The following EZH2 variants were observed in gnomAD, a reference collection of about 807,000 sequenced individuals.
EZH2 encodes enhancer of zeste 2 polycomb repressive complex 2 subunit.
Under a neutral mutation model 98.4 loss-of-function variants are expected in EZH2, and 18 were observed. That is an observed-to-expected ratio of 0.18 (90% confidence interval 0.13 to 0.27). The LOEUF (loss-of-function observed/expected upper bound fraction) is 0.27. Ranked by LOEUF, EZH2 falls within the 10% of genes least tolerant of loss-of-function variation. The pLI, the probability that EZH2 is intolerant of heterozygous loss-of-function variation, is 1.00. For synonymous variants in EZH2, 338 were observed against 312.3 expected (o/e 1.08, Z -0.87); for missense variants, 470 against 935.1 (o/e 0.50, Z 6.49).
rs1177519126 is a variant in EZH2, at chr7:148,827,148, A to C, written c.728+16T>G. On this transcript the variant is annotated intron_variant, in intron 7 of 19. Coordinates refer to ENST00000320356, the MANE Select transcript of EZH2 (RefSeq NM_004456.5). ...ACCATACAGGGCAAGATTGCCTCAA[A>C]GGAACAAATTCTTACTTTTCCTTTA... 2 of 1,601,560 alleles carry C rather than the reference A, an allele frequency of 1.2e-6. No individual in the cohort carries two copies. Among genetic ancestry groups the C allele is most frequent in the Non-Finnish European group, 1.7e-6 (2 of 1,172,532 alleles).
intron 3 of EZH2, among the ~76,000 whole-genome samples, chr7:148,835,985 C>T (rs1031336054): frequency 3.3e-5 from 5 of 152,196 alleles, no homozygotes; most frequent in African/African-American, 1.2e-4. Context: ...TGCAGCACTA[C>T]GTACTACTTC....
At chr7:148,828,261 C>G (rs1486364949) in intron 6 of EZH2, among the ~76,000 whole-genome samples, 3 of 152,064 alleles carry the variant, frequency 2.0e-5, no homozygotes, top group African/African-American at 7.2e-5. Context: ...CCCAGTGAAG[C>G]ACACAAAAAA....
intron 3 of EZH2, among the ~76,000 whole-genome samples, chr7:148,833,633 AT>A (rs1360660276): frequency 2.6e-5 from 4 of 152,186 alleles, no homozygotes; most frequent in African/African-American, 4.8e-5. Flanking sequence ...ATTTAAGTCT[AT>A]TCTGCAAAAC....
intron 1 of EZH2, among the ~76,000 whole-genome samples, chr7:148,852,054 C>T (rs75783776): frequency 0.013 from 1,948 of 152,252 alleles, 41 homozygotes; most frequent in African/African-American, 0.046. Flanking sequence ...ACAAAAGCAG[C>T]TTTTCCTGTT....
intron 1 of EZH2, among the ~76,000 whole-genome samples, chr7:148,863,931 A>G (rs1156758374): frequency 6.6e-6 from 1 of 152,246 alleles, no homozygotes; most frequent in Non-Finnish European, 1.5e-5. Flanking sequence ...TTACATGTAC[A>G]TGAAAGTACA....
intron 1 of EZH2, among the ~76,000 whole-genome samples, chr7:148,860,200 T>G (rs1476006125): frequency 2.0e-5 from 3 of 152,130 alleles, no homozygotes; most frequent in African/African-American, 7.2e-5. Context: ...AAATTAAAGT[T>G]GAATTAACCC....
At chr7:148,813,531 C>T (rs2129469632) in intron 15 of EZH2, among the ~76,000 whole-genome samples, 1 of 151,768 alleles carries the variant, frequency 6.6e-6, no homozygotes, top group Non-Finnish European at 1.5e-5. Context: ...TGGGAAATTT[C>T]ATCTTTTACT....
chr7:148,839,077 G>GAAGT lies in EZH2; in HGVS notation c.247-6328_247-6327insACTT, dbSNP rs1168550253. ...ATAAGGAAGGAAGGAAGGAAGGAAGGAAGGAAGGAAGGAAGGAAGGAAGGA... is the reference window on the plus strand; with the variant it reads ...ATAAGGAAGGAAGGAAGGAAGGAAGGAAGTAAGGAAGGAAGGAAGGAAGGAAGGA... On this transcript the variant is annotated intron_variant, in intron 3 of 19. Transcript: ENST00000320356. Among the ~76,000 whole-genome samples the GAAGT allele has an allele frequency of 5.1e-3, 770 of 150,390 alleles. 12 individuals are homozygous for GAAGT. Among genetic ancestry groups the GAAGT allele is most frequent in the African/African-American group, 0.018 (742 of 40,428 alleles).
intron 1 of EZH2, among the ~76,000 whole-genome samples, chr7:148,847,854 TAA>T (rs2129485543): frequency 6.6e-6 from 1 of 152,364 alleles, no homozygotes; most frequent in East Asian, 1.9e-4. Context: ...AACACTGTGA[TAA>T]AGTCTGTATT....
chr7:148,828,827 G>C lies in EZH2; in HGVS notation c.538C>G (p.Gln180Glu). 2 of 1,613,100 alleles carry C rather than the reference G, an allele frequency of 1.2e-6. No individual in the cohort carries two copies. The highest frequency in any genetic ancestry group is 2.2e-5 in the South Asian group (2 of 90,940). The change falls in exon 6 of 20, where the codon CAA becomes GAA. Residue 180 changes from glutamine to glutamate, a missense_variant. Transcript: ENST00000320356. The part of the protein sequence containing the change: ...IFVELVNALG[Q>E]YNDDDDDDDG... ...TCATCATCGTCATCATCATTATATT[G>C]ACCAAGGGCATTCACCAACTCCACA...
chr7:148,822,372 T>C (rs940777763), intron 8 of EZH2, among the ~76,000 whole-genome samples: 2 of 151,516 alleles, frequency 1.3e-5, no homozygotes, highest in African/African-American at 4.9e-5. Flanking sequence ...TAGCTGGATG[T>C]GGTAGCACAT....
At chr7:148,857,659 G>GC in intron 1 of EZH2, among the ~76,000 whole-genome samples, 1 of 152,144 alleles carries the variant, frequency 6.6e-6, no homozygotes. Flanking sequence ...GCTAAGGCAG[G>GC]AGAATTGCTT....
In EZH2 at chr7:148,816,767, A is replaced by G. The variant is rs1345989748; in HGVS notation, c.1422T>C (p.Phe474=). Reference sequence around the variant, plus strand: ...CTATGATGCTAGATTCTTTGACTCTAAACTCATACACCTGACAAGAGGCAC... The same window carrying G: ...CTATGATGCTAGATTCTTTGACTCTGAACTCATACACCTGACAAGAGGCAC... ...GTKTCRQVYE[F]RVKESSIIAP... is the part of the protein sequence containing the mutation. The change falls in exon 12 of 20, where the codon TTT becomes TTC. Residue 474 remains phenylalanine, a synonymous_variant. Coordinates refer to ENST00000320356, the MANE Select transcript of EZH2 (RefSeq NM_004456.5). 2 of 1,613,674 alleles carry G rather than the reference A, an allele frequency of 1.2e-6. No homozygotes were observed. The highest frequency in any genetic ancestry group is 2.2e-5 in the South Asian group (2 of 91,080).
At position 148,873,353 on chromosome 7, in the gene EZH2, G is replaced by A. The variant is rs566347687; in HGVS notation, c.-8+10811C>T. Among the ~76,000 whole-genome samples the A allele has an allele frequency of 3.5e-4, 53 of 151,874 alleles. 1 individual carries two copies. In the South Asian group the frequency reaches 0.01, roughly 30 times the overall value. On this transcript the variant is annotated intron_variant, in intron 1 of 19. Transcript: ENST00000320356. ...CTAAAAATACAAAAACTAGCCGGGCGTAGTGGCGTGTGCCTGTAATCCCAG... is the reference window on the plus strand; with the variant it reads ...CTAAAAATACAAAAACTAGCCGGGCATAGTGGCGTGTGCCTGTAATCCCAG...
rs560724107 is a variant in EZH2 at position 148,846,330 on chromosome 7, C to T, written c.246+140G>A. The T allele has an allele frequency of 6.3e-5, 51 of 813,504 alleles. No individual in the cohort carries two copies. In the South Asian group the frequency reaches 1.0e-3, roughly 16 times the overall value. The allele number at this position is 813,504 out of a possible 1,614,324, so 50.4% of individuals were successfully genotyped here. A position where few individuals can be genotyped will look rare whatever the true frequency, so the allele number is the denominator to read the frequency against. On this transcript the variant is annotated intron_variant, in intron 3 of 19. Coordinates refer to ENST00000320356, the MANE Select transcript of EZH2 (RefSeq NM_004456.5). ...TAGTGTGATCTACAGCAGTCATTAA[C>T]AGTTGCACATTAAAAAGAAATAGCA...
chr7:148,832,684 C>G lies in EZH2; in HGVS notation c.313G>C (p.Ala105Pro). 1 of 1,611,004 alleles carries G rather than the reference C, an allele frequency of 6.2e-7. No homozygotes were observed. Among genetic ancestry groups the G allele is most frequent in the Non-Finnish European group, 8.5e-7 (1 of 1,177,974 alleles). The change falls in exon 4 of 20, where the codon GCT becomes CCT. Residue 105 changes from alanine to proline, a missense_variant. Ala to Pro is a conservative substitution (Grantham distance 27, BLOSUM62 -1). Transcript: ENST00000320356. ...CAAGAATACATTATGGGTACTGAAG[C>G]AACTGCATTCAGAGTCTTTAATGGG... Reference protein sequence around the residue: ...VIPLKTLNAVASVPIMYSWSP... With the variant: ...VIPLKTLNAVPSVPIMYSWSP...
chr7:148,869,951 T>C (rs1258489156), intron 1 of EZH2, among the ~76,000 whole-genome samples: 1 of 152,216 alleles, frequency 6.6e-6, no homozygotes, highest in Non-Finnish European at 1.5e-5. Context: ...TCTGGCATGA[T>C]GGCTCATGCC....
chr7:148,826,693 G>T, intron 7 of EZH2, 61 bp from the exon 8 acceptor site: 1 of 1,333,504 alleles, frequency 7.5e-7, no homozygotes, highest in African/African-American at 1.5e-5. Flanking sequence ...TTTGAAAACA[G>T]TTTCTAAAAG....
At chr7:148,870,143 T>A (rs1414205920) in intron 1 of EZH2, among the ~76,000 whole-genome samples, 1 of 152,202 alleles carries the variant, frequency 6.6e-6, no homozygotes, top group African/African-American at 2.4e-5. Context: ...AGGAATTAAG[T>A]GGGGCAATTC....
Sources: allele counts gnomAD v4.1 joint callset (sites outside exome capture counted in the v4.1 genomes callset), GRCh38; gene constraint gnomAD v4.1.1; transcripts MANE v1.5; gene names NCBI Gene and HGNC (gene_info 2026-07-23, HGNC 2026-07-21).